CCDC134: variants seen among roughly 807,000 people sequenced by gnomAD.
The protein encoded by CCDC134 is coiled-coil domain containing 134, also known as coiled-coil domain-containing protein 134.
In CCDC134, 27 loss-of-function variants were observed where a neutral mutation model predicts 25.6. The ratio of observed to expected loss-of-function variants is 1.05; its 90% confidence interval spans 0.78 to 1.45. CCDC134 has a LOEUF of 1.45. CCDC134 is among the 40% of genes most tolerant of loss of function. The probability of loss-of-function intolerance (pLI) is 0.00; values close to 1 mark genes in which losing one functional copy is unlikely to be tolerated. For synonymous variants in CCDC134, 110 were observed against 115.0 expected (o/e 0.96, Z 0.28); for missense variants, 261 against 286.7 (o/e 0.91, Z 0.65).
chr22:41,802,710 C>T (rs1053917260), intron 1 of CCDC134, among the ~76,000 whole-genome samples: 3 of 151,794 alleles, frequency 2.0e-5, no homozygotes, highest in East Asian at 1.9e-4. Flanking sequence ...GTGAGGAGAT[C>T]GAGACCATCC....
At chr22:41,808,817 T>C (rs2076580267) in intron 1 of CCDC134, 58 bp from the exon 2 acceptor site, 3 of 1,364,178 alleles carry the variant, frequency 2.2e-6, no homozygotes, top group East Asian at 2.3e-5. Context: ...CTGTGCACTC[T>C]ATTTTATGTA....
chr22:41,802,969 C>G (rs909220850), intron 1 of CCDC134, among the ~76,000 whole-genome samples: 1 of 151,676 alleles, frequency 6.6e-6, no homozygotes, highest in African/African-American at 2.4e-5. Context: ...CAAAAATTAG[C>G]CGGGCGTGGT....
In CCDC134 at chr22:41,809,006, G is replaced by A. The variant is rs1469119538; in HGVS notation, c.103+13G>A. 3 of 1,602,366 alleles carry A rather than the reference G, an allele frequency of 1.9e-6. No homozygotes were observed. The highest frequency in any genetic ancestry group is 2.6e-6 in the Non-Finnish European group (3 of 1,170,488). Reference sequence around the variant, plus strand: ...AGCCTGGAGATCTGTATCCTTTGGGGTTGTAGTTAATGAGCTGTCTTTGAG... The same window carrying A: ...AGCCTGGAGATCTGTATCCTTTGGGATTGTAGTTAATGAGCTGTCTTTGAG... On this transcript the variant is annotated intron_variant, in intron 2 of 6. Coordinates refer to ENST00000255784, the MANE Select transcript of CCDC134 (RefSeq NM_024821.5).
chr22:41,805,082 AAGAG>A (rs1230040354), intron 1 of CCDC134, among the ~76,000 whole-genome samples: 3 of 152,162 alleles, frequency 2.0e-5, no homozygotes, highest in South Asian at 2.1e-4. Flanking sequence ...ATAAAAAAAA[AAGAG>A]AGAGAGCAAA....
intron 2 of CCDC134, among the ~76,000 whole-genome samples, 191 bp from the exon 3 acceptor site, chr22:41,809,688 T>C (rs1472094592): frequency 6.6e-6 from 1 of 152,148 alleles, no homozygotes; most frequent in African/African-American, 2.4e-5. Flanking sequence ...TGGAGCGCCA[T>C]GGGAACTGGA....
At chr22:41,811,796 G>A (rs1023325439) in intron 4 of CCDC134, among the ~76,000 whole-genome samples, 3 of 152,162 alleles carry the variant, frequency 2.0e-5, no homozygotes, top group East Asian at 1.9e-4. Context: ...TCAGGCTTTC[G>A]TGTGAAACTT....
At position 41,826,940 on chromosome 22, in the gene CCDC134, C is replaced by T. The variant is rs1295305415; in HGVS notation, c.*1117C>T. On this transcript the variant is annotated 3_prime_UTR_variant, in exon 7 of 7. Transcript: ENST00000255784. ...ATCCCCTCGACACCCAGCCCCCTAC[C>T]ACTGACAGAGCACAAGTGAGATCTG... Among the ~76,000 whole-genome samples the T allele has an allele frequency of 6.6e-6, 1 of 152,262 alleles. No homozygotes were observed. The highest frequency in any genetic ancestry group is 1.5e-5 in the Non-Finnish European group (1 of 68,044).
At chr22:41,813,195 G>T in intron 4 of CCDC134, 69 bp from the exon 5 acceptor site, 1 of 1,504,958 alleles carries the variant, frequency 6.6e-7, no homozygotes, top group Non-Finnish European at 9.2e-7. Context: ...TTCTCTAGAG[G>T]ATGCCAGGGG....
chr22:41,802,680 C>T (rs764245594), intron 1 of CCDC134, among the ~76,000 whole-genome samples: 4 of 151,848 alleles, frequency 2.6e-5, no homozygotes, highest in African/African-American at 4.8e-5. Flanking sequence ...TTTGGGAGGC[C>T]GAGGCAGGCG....
intron 6 of CCDC134, among the ~76,000 whole-genome samples, chr22:41,818,926 C>T (rs574732706): frequency 1.7e-4 from 26 of 152,286 alleles, no homozygotes; most frequent in Admixed American, 1.4e-3. Context: ...TCATAGATGC[C>T]TCACTTAAAC....
At chr22:41,814,574 A>T (rs1440396184) in intron 6 of CCDC134, among the ~76,000 whole-genome samples, 2 of 152,066 alleles carry the variant, frequency 1.3e-5, no homozygotes, top group Non-Finnish European at 2.9e-5. Flanking sequence ...TATCAAAAAA[A>T]AAAAAGGGGG....
intron 6 of CCDC134, among the ~76,000 whole-genome samples, chr22:41,814,563 G>A (rs1320963390): frequency 1.3e-5 from 2 of 150,104 alleles, no homozygotes; most frequent in South Asian, 2.1e-4. Flanking sequence ...GTGAAACTCC[G>A]TATCAAAAAA....
chr22:41,809,066 C>A, intron 2 of CCDC134, 73 bp downstream of exon 2: 1 of 1,288,280 alleles, frequency 7.8e-7, no homozygotes, highest in Non-Finnish European at 1.1e-6. Flanking sequence ...CTCAGGGATT[C>A]CAGGGATAAG....
chr22:41,825,859 A>G lies in CCDC134; in HGVS notation c.*36A>G, dbSNP rs1291796193. 4 of 1,610,512 alleles carry G rather than the reference A, an allele frequency of 2.5e-6. No homozygotes were observed. The highest frequency in any genetic ancestry group is 2.7e-5 in the African/African-American group (2 of 74,690). ...GCTCAGGGCTCAGGGGGCCACAAGG[A>G]GGCAGGTCGGGAGGAAGAAGAGGTG... On this transcript the variant is annotated 3_prime_UTR_variant, in exon 7 of 7. Transcript: ENST00000255784. The surrounding 1 kb of genome is among the most constrained non-coding windows in gnomAD (Gnocchi z 4.4).
At chr22:41,814,914 G>T (rs1461344763) in intron 6 of CCDC134, among the ~76,000 whole-genome samples, 3 of 152,138 alleles carry the variant, frequency 2.0e-5, no homozygotes, top group Non-Finnish European at 4.4e-5. Context: ...CATGCAGGGG[G>T]TGTGCATCAT....
In CCDC134 at chr22:41,826,033, G is replaced by C; in HGVS notation, c.*210G>C. On this transcript the variant is annotated 3_prime_UTR_variant, in exon 7 of 7. Transcript: ENST00000255784. ...TTCTCTCAGGGGCCTCCTGCTGAAGGGGCCTTCAGAGGATTTTATGCTGGA... is the reference window on the plus strand; with the variant it reads ...TTCTCTCAGGGGCCTCCTGCTGAAGCGGCCTTCAGAGGATTTTATGCTGGA... 2 of 583,842 alleles carry C rather than the reference G, an allele frequency of 3.4e-6. No homozygotes were observed. The highest frequency in any genetic ancestry group is 6.2e-5 in the East Asian group (2 of 32,488). The allele number at this position is 583,842 out of a possible 1,614,324, so 36.2% of individuals were successfully genotyped here.
intron 4 of CCDC134, 45 bp downstream of exon 4, chr22:41,810,336 T>G (rs374846901): frequency 6.9e-5 from 106 of 1,528,120 alleles, no homozygotes; most frequent in Non-Finnish European, 9.1e-5. Context: ...CCACCCGATC[T>G]TCTCTAGCTG....
At chr22:41,810,859 CT>C (rs973876476) in intron 4 of CCDC134, among the ~76,000 whole-genome samples, 2 of 152,130 alleles carry the variant, frequency 1.3e-5, no homozygotes, top group African/African-American at 4.8e-5. Flanking sequence ...ATAGTAGATA[CT>C]TTACAACCAT....
At chr22:41,820,000 A>ATTTT (rs1197802046) in intron 6 of CCDC134, among the ~76,000 whole-genome samples, 8 of 67,670 alleles carry the variant, frequency 1.2e-4, no homozygotes, top group African/African-American at 7.2e-5. Context: ...TATATATATA[A>ATTTT]TTTTTTTTTT....
Sources: allele counts gnomAD v4.1 joint callset (sites outside exome capture counted in the v4.1 genomes callset), GRCh38; gene constraint gnomAD v4.1.1; non-coding constraint Gnocchi (gnomAD v3.1); transcripts MANE v1.5; gene names NCBI Gene and HGNC (gene_info 2026-07-23, HGNC 2026-07-21).